CNTNAP2: variants seen among roughly 807,000 people sequenced by gnomAD.
The protein encoded by CNTNAP2 is contactin-associated protein-like 2.
In CNTNAP2, 98 loss-of-function variants were observed where a neutral mutation model predicts 155.2. The ratio of observed to expected loss-of-function variants is 0.63; its 90% CI spans 0.54 to 0.75. The LOEUF (loss-of-function observed/expected upper bound fraction) is 0.75. Among genes scored for constraint, CNTNAP2 ranks in the 30% least tolerant of loss-of-function variants. The pLI is 0.00. For synonymous variants in CNTNAP2, 651 were observed against 631.2 expected (o/e 1.03, Z -0.47); for missense variants, 1,727 against 1,688.1 (o/e 1.02, Z -0.40).
chr7:147,360,857 A>G (rs1020162904), intron 9 of CNTNAP2, among the ~76,000 whole-genome samples: 7 of 152,188 alleles, frequency 4.6e-5, no homozygotes, highest in African/African-American at 1.7e-4. Context: ...ACAAAATTAT[A>G]TGAAAAGGTA....
chr7:147,575,186 G>T (rs1800367577), intron 12 of CNTNAP2, among the ~76,000 whole-genome samples: 1 of 115,706 alleles, frequency 8.6e-6, no homozygotes, highest in African/African-American at 3.7e-5. Flanking sequence ...ATATGTGTAT[G>T]TGTGTGTGTG....
intron 1 of CNTNAP2, among the ~76,000 whole-genome samples, chr7:146,182,725 C>A (rs1798565910): frequency 6.6e-6 from 1 of 152,190 alleles, no homozygotes; most frequent in Non-Finnish European, 1.5e-5. Flanking sequence ...CTTCCCAAAT[C>A]TAACTTCATT....
intron 13 of CNTNAP2, among the ~76,000 whole-genome samples, chr7:147,851,436 G>T (rs1198926287): frequency 6.6e-6 from 1 of 152,076 alleles, no homozygotes; most frequent in Non-Finnish European, 1.5e-5. Context: ...ATACCCAAAG[G>T]ATTATAAATC....
At chr7:146,506,216 C>T (rs912455140) in intron 1 of CNTNAP2, among the ~76,000 whole-genome samples, 2 of 152,198 alleles carry the variant, frequency 1.3e-5, no homozygotes, top group Non-Finnish European at 2.9e-5. Context: ...GCTGTCAGCA[C>T]ATGCATATGC....
intron 1 of CNTNAP2, chr7:146,311,683 AAAG>A (rs945411304): frequency 4.1e-5 from 6 of 147,086 alleles, no homozygotes; most frequent in African/African-American, 1.3e-4. Flanking sequence ...AAGAGAAAGA[AAAG>A]AAGAAAAGAA....
chr7:146,142,112 G>T (rs1797889989), intron 1 of CNTNAP2, among the ~76,000 whole-genome samples: 2 of 152,090 alleles, frequency 1.3e-5, no homozygotes, highest in South Asian at 4.1e-4. Flanking sequence ...GCACTCCATT[G>T]AATATATTAG....
rs771083309 is a variant in CNTNAP2 at position 148,229,791 on chromosome 7, T to C, written c.3381+12T>C. ...CCATCTTTCTCAAGGTATACATACATGTACATATAAATTACATATAATATC... is the reference window on the plus strand; with the variant it reads ...CCATCTTTCTCAAGGTATACATACACGTACATATAAATTACATATAATATC... On this transcript the variant is annotated intron_variant, in intron 20 of 23. Transcript: ENST00000361727. The C allele has an allele frequency of 3.1e-6, 5 of 1,613,880 alleles. No individual in the cohort carries two copies. The highest frequency in any genetic ancestry group is 1.3e-5 in the African/African-American group (1 of 74,902).
chr7:148,344,629 C>G (rs1297401129), intron 21 of CNTNAP2, among the ~76,000 whole-genome samples: 1 of 152,118 alleles, frequency 6.6e-6, no homozygotes, highest in Admixed American at 6.5e-5. Flanking sequence ...GCCGTCCATT[C>G]AATATGTCTA....
At chr7:146,167,451 G>C (rs550182075) in intron 1 of CNTNAP2, among the ~76,000 whole-genome samples, 2 of 152,306 alleles carry the variant, frequency 1.3e-5, no homozygotes, top group South Asian at 4.1e-4. Context: ...AGGTATTAAT[G>C]AGCCCCTACA....
intron 1 of CNTNAP2, among the ~76,000 whole-genome samples, chr7:146,306,254 A>G (rs1041199790): frequency 9.9e-5 from 15 of 152,158 alleles, no homozygotes; most frequent in African/African-American, 3.6e-4. Flanking sequence ...GGCAATAATT[A>G]ATAGCCTACC....
intron 4 of CNTNAP2, among the ~76,000 whole-genome samples, chr7:147,056,976 T>A (rs1008766755): frequency 1.3e-5 from 2 of 151,930 alleles, no homozygotes; most frequent in Non-Finnish European, 2.9e-5. Flanking sequence ...GGGGTTATTT[T>A]TTTTTTGGTT....
intron 13 of CNTNAP2, among the ~76,000 whole-genome samples, chr7:147,702,992 A>T (rs903845481): frequency 1.3e-5 from 2 of 152,070 alleles, no homozygotes; most frequent in Non-Finnish European, 2.9e-5. Flanking sequence ...GCCTTTAAGG[A>T]TCACTTGTTA....
intron 1 of CNTNAP2, among the ~76,000 whole-genome samples, chr7:146,337,898 A>G (rs535412071): frequency 1.3e-5 from 2 of 152,352 alleles, no homozygotes; most frequent in East Asian, 3.9e-4. Flanking sequence ...AAACCTCTAG[A>G]CTATGACAGC....
At chr7:147,599,115 G>A (rs991517919) in intron 12 of CNTNAP2, among the ~76,000 whole-genome samples, 11 of 152,044 alleles carry the variant, frequency 7.2e-5, no homozygotes, top group South Asian at 4.1e-4. Flanking sequence ...CACTGCTTCC[G>A]TCTTTTGCCT....
At chr7:147,415,194 C>G (rs1797172110) in intron 10 of CNTNAP2, among the ~76,000 whole-genome samples, 1 of 152,210 alleles carries the variant, frequency 6.6e-6, no homozygotes, top group African/African-American at 2.4e-5. Flanking sequence ...TTTCAGAGCT[C>G]TCACCCTTAT....
chr7:146,461,318 T>C (rs1415275598), intron 1 of CNTNAP2, among the ~76,000 whole-genome samples: 1 of 151,318 alleles, frequency 6.6e-6, no homozygotes, highest in Non-Finnish European at 1.5e-5. Context: ...GGCAGGACAA[T>C]GGCGTGAACC....
chr7:147,919,793 C>G (rs1005242705), intron 14 of CNTNAP2, among the ~76,000 whole-genome samples: 22 of 151,278 alleles, frequency 1.5e-4, no homozygotes, highest in African/African-American at 4.8e-4. Flanking sequence ...CTCCGCGTTG[C>G]TCAGGCCAGT....
At chr7:146,795,056 A>T (rs967756498) in intron 2 of CNTNAP2, among the ~76,000 whole-genome samples, 3 of 152,196 alleles carry the variant, frequency 2.0e-5, no homozygotes, top group African/African-American at 7.2e-5. Context: ...TTCAGTGAAA[A>T]ATTTAAAGAA....
chr7:147,158,912 A>T (rs1801975285), intron 8 of CNTNAP2, among the ~76,000 whole-genome samples: 1 of 152,158 alleles, frequency 6.6e-6, no homozygotes, highest in South Asian at 2.1e-4. Context: ...AATACAGTGT[A>T]ATAAAATCCA....
Sources: allele counts gnomAD v4.1 joint callset (sites outside exome capture counted in the v4.1 genomes callset), GRCh38; gene constraint gnomAD v4.1.1; transcripts MANE v1.5; gene names NCBI Gene and HGNC (gene_info 2026-07-23, HGNC 2026-07-21).